FAT3: variants seen among roughly 807,000 people sequenced by gnomAD.
The protein encoded by FAT3 is FAT atypical cadherin 3, also known as protocadherin Fat 3.
FAT3 carries 95 observed loss-of-function variants against 310.2 expected under a neutral mutation model. The ratio of observed to expected loss-of-function variants is 0.31; its 90% CI spans 0.26 to 0.36. The LOEUF is 0.36. Among genes scored for constraint, FAT3 ranks in the 10% least tolerant of loss-of-function variants. The pLI, the probability that FAT3 is intolerant of heterozygous loss-of-function variation, is 1.00. For synonymous variants in FAT3, 2,314 were observed against 2,192.9 expected, an observed-to-expected ratio of 1.06 and a Z score of -1.54; for missense variants, 5,408 against 5,715.6, an observed-to-expected ratio of 0.95 and a Z score of 1.74.
At chr11:92,654,869 T>A (rs951491379) in intron 3 of FAT3, among the ~76,000 whole-genome samples, 1 of 152,130 alleles carries the variant, frequency 6.6e-6, no homozygotes, top group African/African-American at 2.4e-5. Flanking sequence ...CTGAAAAAAA[T>A]AAGATTCAAG....
At chr11:92,361,680 T>C (rs953994832) in intron 2 of FAT3, among the ~76,000 whole-genome samples, 1 of 152,180 alleles carries the variant, frequency 6.6e-6, no homozygotes, top group African/African-American at 2.4e-5. Context: ...GTTTTTTTTT[T>C]TATAGCAACT....
rs148224043 is a variant in FAT3, at chr11:92,528,038, G to A, written c.3607+3090G>A. ...CATAATAAAGATTAAAATGATTAAC[G>A]CCAACGCAAATAATGCCAAGATGTA... On this transcript the variant is annotated intron_variant, in intron 3 of 27. Transcript: ENST00000525166. Among the ~76,000 whole-genome samples, 20 of 152,262 alleles carry A rather than the reference G, an allele frequency of 1.3e-4. No homozygotes were observed. In the East Asian group the frequency reaches 3.5e-3, roughly 26 times the overall value.
chr11:92,394,522 G>A (rs1591220733), intron 2 of FAT3, among the ~76,000 whole-genome samples: 1 of 152,006 alleles, frequency 6.6e-6, no homozygotes, highest in African/African-American at 2.4e-5. Flanking sequence ...TATTATTTTG[G>A]GGCAACAAGC....
intron 3 of FAT3, among the ~76,000 whole-genome samples, chr11:92,671,619 T>TC (rs1943130609): frequency 6.6e-6 from 1 of 152,104 alleles, no homozygotes; most frequent in Admixed American, 6.5e-5. Flanking sequence ...TCACTAGTTT[T>TC]CCTTCAAAGC....
intron 2 of FAT3, among the ~76,000 whole-genome samples, chr11:92,443,955 A>T (rs1951145710): frequency 1.3e-5 from 2 of 152,158 alleles, no homozygotes; most frequent in Non-Finnish European, 1.5e-5. Context: ...CCAGTGGGAG[A>T]ACTGATATCA....
chr11:92,494,995 A>G (rs976565031), intron 2 of FAT3, among the ~76,000 whole-genome samples: 1 of 152,080 alleles, frequency 6.6e-6, no homozygotes, highest in African/African-American at 2.4e-5. Context: ...CTTCTTTAAA[A>G]TGCTCAGGTT....
At chr11:92,706,605 A>G (rs1342655880) in intron 4 of FAT3, among the ~76,000 whole-genome samples, 2 of 152,148 alleles carry the variant, frequency 1.3e-5, no homozygotes, top group Admixed American at 6.5e-5. Flanking sequence ...TTTTTTTTAA[A>G]ACACTGTCAG....
At chr11:92,317,692 T>C (rs1947500164) in intron 1 of FAT3, among the ~76,000 whole-genome samples, 1 of 152,166 alleles carries the variant, frequency 6.6e-6, no homozygotes, top group Non-Finnish European at 1.5e-5. Context: ...AGGTGTTTTC[T>C]ACCTCCAAAC....
intron 4 of FAT3, among the ~76,000 whole-genome samples, chr11:92,738,977 A>T (rs1257586763): frequency 6.6e-6 from 1 of 152,206 alleles, no homozygotes; most frequent in Non-Finnish European, 1.5e-5. Flanking sequence ...GACTCAGAAC[A>T]TGATGAGTCC....
At chr11:92,395,229 T>A (rs1334728074) in intron 2 of FAT3, among the ~76,000 whole-genome samples, 1 of 152,178 alleles carries the variant, frequency 6.6e-6, no homozygotes, top group East Asian at 1.9e-4. Flanking sequence ...ACGACTTGAG[T>A]TTAAATAGGT....
At chr11:92,464,612 T>A (rs915577802) in intron 2 of FAT3, among the ~76,000 whole-genome samples, 1 of 152,184 alleles carries the variant, frequency 6.6e-6, no homozygotes, top group Non-Finnish European at 1.5e-5. Flanking sequence ...TAGGAAATAA[T>A]GCTGTTGCAT....
At chr11:92,780,301 T>A (rs1946713899) in intron 7 of FAT3, among the ~76,000 whole-genome samples, 1 of 151,930 alleles carries the variant, frequency 6.6e-6, no homozygotes, top group Admixed American at 6.6e-5. Flanking sequence ...TAGCTGACAC[T>A]ATAGGCATGT....
At chr11:92,757,603 C>T (rs564169279) in intron 4 of FAT3, among the ~76,000 whole-genome samples, 5 of 152,206 alleles carry the variant, frequency 3.3e-5, no homozygotes, top group Admixed American at 6.5e-5. Flanking sequence ...ATTGATGATG[C>T]CATTGATGAT....
chr11:92,426,940 G>A (rs1950647655), intron 2 of FAT3, among the ~76,000 whole-genome samples: 1 of 152,118 alleles, frequency 6.6e-6, no homozygotes, highest in Admixed American at 6.5e-5. Context: ...AATGGGTATA[G>A]CATTGAACCT....
intron 2 of FAT3, among the ~76,000 whole-genome samples, chr11:92,516,931 G>A (rs974975940): frequency 2.0e-5 from 3 of 152,128 alleles, no homozygotes; most frequent in Non-Finnish European, 4.4e-5. Flanking sequence ...CAAGGGATGT[G>A]AAGGCCCTCT....
chr11:92,473,515 C>G (rs1951966047), intron 2 of FAT3, among the ~76,000 whole-genome samples: 1 of 152,126 alleles, frequency 6.6e-6, no homozygotes, highest in Admixed American at 6.5e-5. Context: ...CATTTAACTT[C>G]ACCTGCAAAT....
At chr11:92,225,724 T>A (rs1170878035) in intron 1 of FAT3, among the ~76,000 whole-genome samples, 1 of 152,020 alleles carries the variant, frequency 6.6e-6, no homozygotes, top group Non-Finnish European at 1.5e-5. Flanking sequence ...GGGTTACCAG[T>A]CTGCGGGTCC....
At chr11:92,875,239 C>T (rs914927695) in intron 22 of FAT3, among the ~76,000 whole-genome samples, 2 of 147,766 alleles carry the variant, frequency 1.4e-5, no homozygotes, top group Non-Finnish European at 1.5e-5. Flanking sequence ...AAAACTCCTC[C>T]GAATTTAAAG....
At chr11:92,341,665 T>C (rs1349232546) in intron 1 of FAT3, among the ~76,000 whole-genome samples, 1 of 152,184 alleles carries the variant, frequency 6.6e-6, no homozygotes, top group Admixed American at 6.5e-5. Context: ...GATAAGCTTC[T>C]TTTTCTCTTC....
Sources: gnomAD v4.1 joint callset for allele counts (sites outside exome capture counted in the v4.1 genomes callset) on GRCh38, gnomAD v4.1.1 for gene constraint, MANE v1.5 for transcripts, NCBI Gene and HGNC (gene_info 2026-07-23, HGNC 2026-07-21) for gene names.